IGFBP2: variants seen among roughly 807,000 people sequenced by gnomAD.
IGFBP2 encodes the protein insulin-like growth factor-binding protein 2.
In IGFBP2, 12 loss-of-function variants were observed where a neutral mutation model predicts 26.2. That is an observed-to-expected ratio of 0.46 (90% CI 0.29 to 0.74). The LOEUF (loss-of-function observed/expected upper bound fraction) is 0.74. Ranked by LOEUF, IGFBP2 falls within the 30% of genes least tolerant of loss-of-function variation. IGFBP2 has a pLI of 0.09. For missense variants in IGFBP2, 328 were observed against 441.2 expected, an observed-to-expected ratio of 0.74 and a Z score of 2.30; for synonymous variants, 189 against 200.6, an observed-to-expected ratio of 0.94 and a Z score of 0.49.
intron 2 of IGFBP2, chr2:216,661,092 T>C: frequency 2.5e-6 from 1 of 396,946 alleles, no homozygotes; most frequent in Non-Finnish European, 4.6e-6. Flanking sequence ...TCCCTGAAAC[T>C]TGCTTACTCT....
chr2:216,659,790 T>C, intron 1 of IGFBP2: 1 of 1,491,604 alleles, frequency 6.7e-7, no homozygotes, highest in Non-Finnish European at 9.0e-7. Flanking sequence ...GTTCCTGTTC[T>C]TGGGGCTCTC....
intron 1 of IGFBP2, among the ~76,000 whole-genome samples, chr2:216,643,828 C>T (rs1697660608): frequency 6.6e-6 from 1 of 152,162 alleles, no homozygotes. Context: ...GCCCCTTTTA[C>T]AGATGGGATA....
rs9341217 is a variant in IGFBP2 at position 216,663,728 on chromosome 2, C to A, written c.814-212C>A. 5.1e-3 allele frequency: 2,565 copies of A among 507,656 alleles called. 18 individuals carry two copies. Among genetic ancestry groups the A allele is most frequent in the Non-Finnish European group, 7.4e-3 (2,101 of 284,682 alleles). 31.4% of individuals were successfully genotyped at this position (507,656 alleles called of 1,614,324 possible). On this transcript the variant is annotated intron_variant, in intron 3 of 3. Transcript: ENST00000233809. Reference sequence around the variant, plus strand: ...AGCATCAGCATCACGTTGGAGCTCGCTAGCGATGCAGAATTTCCAGCTCTC... The same window carrying A: ...AGCATCAGCATCACGTTGGAGCTCGATAGCGATGCAGAATTTCCAGCTCTC...
chr2:216,644,091 A>T (rs1697665208), intron 1 of IGFBP2, among the ~76,000 whole-genome samples: 1 of 151,884 alleles, frequency 6.6e-6, no homozygotes, highest in South Asian at 2.1e-4. Context: ...GTCAGTCAAG[A>T]CTCAGAGGGA....
At position 216,660,947 on chromosome 2, in the gene IGFBP2, G is replaced by A. The variant is rs888975735; in HGVS notation, c.672+161G>A. 3.2e-5 allele frequency: 20 copies of A among 620,546 alleles called. No homozygotes were observed. In the African/African-American group the frequency reaches 3.7e-4, roughly 11 times the overall value. 38.4% of individuals were successfully genotyped at this position (620,546 alleles called of 1,614,324 possible). A position where few individuals can be genotyped will look rare whatever the true frequency, so the allele number is the denominator to read the frequency against. ...TGTGGAACATAGTTAGTGACCTTTG[G>A]GGCAGTCAGTATCTCTGGCTGTGAA... On this transcript the variant is annotated intron_variant, in intron 2 of 3. Transcript: ENST00000233809.
At chr2:216,658,526 T>TTTTATTTATTTATTTA in intron 1 of IGFBP2, among the ~76,000 whole-genome samples, 1 of 146,386 alleles carries the variant, frequency 6.8e-6, no homozygotes, top group East Asian at 2.0e-4. Flanking sequence ...CCAGGTCGTC[T>TTTTATTTATTTATTTA]TTTATTTATT....
Position 216,664,325 on chromosome 2 carries a change from A to C in IGFBP2, c.*221A>C. On this transcript the variant is annotated 3_prime_UTR_variant, in exon 4 of 4. Coordinates refer to ENST00000233809, the MANE Select transcript of IGFBP2 (RefSeq NM_000597.3). The surrounding 1 kb of genome is among the most constrained non-coding windows in gnomAD (Gnocchi z 4.6). ...TCCTTCTTGCTTTCCCCGGGGGAGG[A>C]AGGGGGTTGTGGTCGGGGAGCTGGG... 2.4e-6 allele frequency: 1 copy of C among 417,338 alleles called. No homozygotes were observed. The highest frequency in any genetic ancestry group is 4.2e-6 in the Non-Finnish European group (1 of 236,234). The allele number at this position is 417,338 out of a possible 1,614,324, so 25.9% of individuals were successfully genotyped here.
intron 1 of IGFBP2, among the ~76,000 whole-genome samples, chr2:216,660,267 C>T (rs1446579846): frequency 6.6e-6 from 1 of 152,130 alleles, no homozygotes; most frequent in African/African-American, 2.4e-5. Flanking sequence ...ATCCTGAATC[C>T]ATCGCTTTTC....
intron 1 of IGFBP2, among the ~76,000 whole-genome samples, chr2:216,658,039 A>C (rs1697951658): frequency 6.6e-6 from 1 of 152,138 alleles, no homozygotes; most frequent in African/African-American, 2.4e-5. Flanking sequence ...TTTGGGCTGT[A>C]AGACATGGAA....
At chr2:216,636,567 G>T (rs1037335228) in intron 1 of IGFBP2, among the ~76,000 whole-genome samples, 1 of 152,112 alleles carries the variant, frequency 6.6e-6, no homozygotes, top group Non-Finnish European at 1.5e-5. Flanking sequence ...AGTCAGTCTT[G>T]GGGGAAGGGG....
chr2:216,635,522 T>G (rs999647827), intron 1 of IGFBP2, among the ~76,000 whole-genome samples: 1 of 152,236 alleles, frequency 6.6e-6, no homozygotes, highest in African/African-American at 2.4e-5. Context: ...GGTGAACTTT[T>G]TGAAAGGCCT....
chr2:216,646,821 C>T (rs1263204497), intron 1 of IGFBP2, among the ~76,000 whole-genome samples: 1 of 152,186 alleles, frequency 6.6e-6, no homozygotes, highest in African/African-American at 2.4e-5. Context: ...CCTCCTACAA[C>T]ATGTAGGAAT....
chr2:216,638,723 G>A (rs1378062131), intron 1 of IGFBP2, among the ~76,000 whole-genome samples: 3 of 150,686 alleles, frequency 2.0e-5, no homozygotes, highest in Non-Finnish European at 4.4e-5. Flanking sequence ...TTTTTGAGAC[G>A]GAGACTCGCT....
chr2:216,648,069 G>T (rs1376026261), intron 1 of IGFBP2, among the ~76,000 whole-genome samples: 5 of 152,206 alleles, frequency 3.3e-5, no homozygotes, highest in Non-Finnish European at 7.3e-5. Flanking sequence ...CTTCCCATCT[G>T]CAATTTATCA....
At chr2:216,654,026 T>A (rs1270514255) in intron 1 of IGFBP2, among the ~76,000 whole-genome samples, 2 of 152,188 alleles carry the variant, frequency 1.3e-5, no homozygotes, top group African/African-American at 4.8e-5. Flanking sequence ...TGGAGTTGCA[T>A]ACATAAGTGG....
At chr2:216,659,679 T>C in intron 1 of IGFBP2, 1 of 1,520,364 alleles carries the variant, frequency 6.6e-7, no homozygotes, top group South Asian at 1.2e-5. Context: ...ATACAAAAGG[T>C]TGAAGAAAGT....
chr2:216,654,619 C>T (rs1697885163), intron 1 of IGFBP2, among the ~76,000 whole-genome samples: 1 of 152,216 alleles, frequency 6.6e-6, no homozygotes, highest in African/African-American at 2.4e-5. Flanking sequence ...TGGGCTTCTA[C>T]TTCAAGATGT....
intron 1 of IGFBP2, among the ~76,000 whole-genome samples, chr2:216,638,185 C>G (rs1030942076): frequency 6.7e-6 from 1 of 150,340 alleles, no homozygotes; most frequent in Admixed American, 6.6e-5. Flanking sequence ...AAAAAAACTC[C>G]GTCTCAAAAA....
chr2:216,640,115 G>A (rs1309481335), intron 1 of IGFBP2, among the ~76,000 whole-genome samples: 2 of 151,884 alleles, frequency 1.3e-5, no homozygotes, highest in African/African-American at 2.4e-5. Context: ...TTCCTACTCC[G>A]GCTCAGCTAG....
Sources: gnomAD v4.1 joint callset for allele counts (sites outside exome capture counted in the v4.1 genomes callset) on GRCh38, gnomAD v4.1.1 for gene constraint, Gnocchi (gnomAD v3.1) non-coding constraint, MANE v1.5 for transcripts, NCBI Gene and HGNC (gene_info 2026-07-23, HGNC 2026-07-21) for gene names.